Variants in CACHD1 observed in about 807,000 individuals in gnomAD.
CACHD1 encodes cache domain containing 1.
A neutral mutation model predicts 138.7 loss-of-function variants in CACHD1; 71 were observed. That is an observed-to-expected ratio of 0.51 (90% CI 0.42 to 0.62). CACHD1 has a LOEUF of 0.62. CACHD1 is among the 20% of genes least tolerant of loss of function. The pLI is 0.00. For missense variants in CACHD1, 1,389 were observed against 1,625.3 expected, an observed-to-expected ratio of 0.85 and a Z score of 2.50; for synonymous variants, 578 against 591.5, an observed-to-expected ratio of 0.98 and a Z score of 0.33.
At chr1:64,629,589 C>A in intron 5 of CACHD1, 108 bp downstream of exon 5, 1 of 1,288,254 alleles carries the variant, frequency 7.8e-7, no homozygotes, top group East Asian at 2.5e-5. Flanking sequence ...GCTGTGGATT[C>A]AGAAATTTGT....
intron 4 of CACHD1, among the ~76,000 whole-genome samples, chr1:64,606,914 A>G (rs1224911814): frequency 6.6e-6 from 1 of 152,154 alleles, no homozygotes; most frequent in African/African-American, 2.4e-5. Context: ...GTTGTCATTT[A>G]TTGTGATGGG....
chr1:64,676,859 T>C, intron 21 of CACHD1, 36 bp from the exon 22 acceptor site: 1 of 1,541,730 alleles, frequency 6.5e-7, no homozygotes, highest in Non-Finnish European at 8.9e-7. Context: ...ATGTGGGCGG[T>C]GGTCGTCTTA....
At chr1:64,607,696 AG>A (rs1647383911) in intron 4 of CACHD1, among the ~76,000 whole-genome samples, 1 of 152,182 alleles carries the variant, frequency 6.6e-6, no homozygotes, top group Admixed American at 6.5e-5. Flanking sequence ...AGGACCTAGA[AG>A]CACAGAGCAT....
chr1:64,599,849 G>A (rs539341640), intron 3 of CACHD1, among the ~76,000 whole-genome samples: 2 of 152,220 alleles, frequency 1.3e-5, no homozygotes, highest in African/African-American at 4.8e-5. Flanking sequence ...CTCTCAAGGG[G>A]TGATGCTGAA....
intron 26 of CACHD1, among the ~76,000 whole-genome samples, chr1:64,691,059 TA>T (rs1363712762): frequency 3.3e-5 from 5 of 149,636 alleles, no homozygotes; most frequent in African/African-American, 1.2e-4. Context: ...GGTTCTTGTT[TA>T]TTTTTTTTTT....
At chr1:64,544,184 T>C (rs1646700406) in intron 1 of CACHD1, among the ~76,000 whole-genome samples, 1 of 152,154 alleles carries the variant, frequency 6.6e-6, no homozygotes, top group African/African-American at 2.4e-5. Context: ...CAGAGACCCA[T>C]AAATAGCAAG....
chr1:64,572,965 C>T lies in CACHD1; in HGVS notation c.262-9191C>T, dbSNP rs983086357. Among the ~76,000 whole-genome samples the T allele has an allele frequency of 2.0e-5, 3 of 152,184 alleles. No individual in the cohort carries two copies. In the South Asian group the frequency reaches 6.2e-4, roughly 32 times the overall value. On this transcript the variant is annotated intron_variant, in intron 2 of 26. Coordinates refer to ENST00000651257, the MANE Select transcript of CACHD1 (RefSeq NM_020925.4). The stretch of plus-strand genomic sequence containing the variant: ...TTGTCCTGTATCGTTTCCTGCCATG[C>T]CCAGGCTCTGTCCTACTGAGTAATT...
At chr1:64,628,409 A>T (rs372244104) in intron 4 of CACHD1, among the ~76,000 whole-genome samples, 18 of 152,204 alleles carry the variant, frequency 1.2e-4, no homozygotes, top group African/African-American at 3.4e-4. Context: ...TGACCAGCAC[A>T]TAGTAAGTGT....
At chr1:64,572,341 G>T (rs947056362) in intron 2 of CACHD1, among the ~76,000 whole-genome samples, 2 of 152,104 alleles carry the variant, frequency 1.3e-5, no homozygotes, top group Non-Finnish European at 2.9e-5. Context: ...AAAGAATCTC[G>T]GGTCAGGGGC....
chr1:64,690,402 A>G (rs1325111558), intron 26 of CACHD1, among the ~76,000 whole-genome samples: 2 of 152,220 alleles, frequency 1.3e-5, no homozygotes, highest in Non-Finnish European at 2.9e-5. Flanking sequence ...GATGCAATGG[A>G]AATATTAATG....
intron 25 of CACHD1, 117 bp downstream of exon 25, chr1:64,681,452 C>G: frequency 3.0e-6 from 2 of 668,012 alleles, no homozygotes; most frequent in Non-Finnish European, 4.7e-6. Context: ...GACACGGTGG[C>G]TGGGTTTTTT....
At chr1:64,579,425 AT>A (rs1389630310) in intron 2 of CACHD1, among the ~76,000 whole-genome samples, 4 of 152,138 alleles carry the variant, frequency 2.6e-5, no homozygotes, top group African/African-American at 9.7e-5. Context: ...ATGACTACAA[AT>A]TTTGTTTTTA....
At chr1:64,658,624 G>C in intron 12 of CACHD1, 81 bp from the exon 13 acceptor site, 1 of 1,005,224 alleles carries the variant, frequency 9.9e-7, no homozygotes, top group South Asian at 1.8e-5. Flanking sequence ...GGTAGAGGCA[G>C]TAGAAAATAA....
chr1:64,654,425 T>C (rs905231970), intron 11 of CACHD1, among the ~76,000 whole-genome samples: 2 of 152,186 alleles, frequency 1.3e-5, no homozygotes, highest in Non-Finnish European at 1.5e-5. Flanking sequence ...AATTAATGAC[T>C]GAGTGATTTG....
intron 1 of CACHD1, among the ~76,000 whole-genome samples, chr1:64,540,223 C>A (rs1049246386): frequency 6.6e-6 from 1 of 152,156 alleles, no homozygotes; most frequent in Non-Finnish European, 1.5e-5. Flanking sequence ...TTATATAAAG[C>A]ACCACCCTCC....
intron 4 of CACHD1, among the ~76,000 whole-genome samples, chr1:64,625,647 A>G (rs1648071741): frequency 6.6e-6 from 1 of 152,022 alleles, no homozygotes; most frequent in Admixed American, 6.6e-5. Context: ...AAAAAGAAAA[A>G]GAAATTACCT....
rs998769400 is a variant in CACHD1, at chr1:64,666,970, T to TA, written c.2387+812dup. Among the ~76,000 whole-genome samples the TA allele has an allele frequency of 2.0e-4, 30 of 151,580 alleles. 2 individuals carry two copies. In the South Asian group the frequency reaches 3.3e-3, roughly 17 times the overall value. The stretch of plus-strand genomic sequence containing the variant: ...AAGTTGTTTGTTTGGTTTTCTTCTT[T>TA]AAAAAAAAATTGTCCTTGAAACTAT... On this transcript the variant is annotated intron_variant, in intron 16 of 26. Transcript: ENST00000651257.
At chr1:64,629,549 T>A (rs1056899620) in intron 5 of CACHD1, 68 bp downstream of exon 5, 2 of 1,540,440 alleles carry the variant, frequency 1.3e-6, no homozygotes, top group African/African-American at 2.8e-5. Flanking sequence ...ATATAAAACT[T>A]CTCATTTCTA....
intron 9 of CACHD1, among the ~76,000 whole-genome samples, chr1:64,651,558 G>A (rs1331404179): frequency 6.6e-6 from 1 of 152,198 alleles, no homozygotes; most frequent in African/African-American, 2.4e-5. Flanking sequence ...GAGAGACTGA[G>A]GAGGGAGGAT....
Sources: allele counts gnomAD v4.1 joint callset (sites outside exome capture counted in the v4.1 genomes callset), GRCh38; gene constraint gnomAD v4.1.1; transcripts MANE v1.5; gene names NCBI Gene and HGNC (gene_info 2026-07-23, HGNC 2026-07-21).